PPARGC1A: variants seen among roughly 807,000 people sequenced by gnomAD.
The protein encoded by PPARGC1A is PPARG coactivator 1 alpha, also known as peroxisome proliferator-activated receptor gamma coactivator 1-alpha.
Under a neutral mutation model 88.7 loss-of-function variants are expected in PPARGC1A, and 25 were observed. That is an observed-to-expected ratio of 0.28 (90% CI 0.21 to 0.39). PPARGC1A has a LOEUF of 0.39. Among genes scored for constraint, PPARGC1A ranks in the 10% least tolerant of loss-of-function variants. The pLI, the probability that PPARGC1A is intolerant of heterozygous loss-of-function variation, is 1.00. For missense variants in PPARGC1A, 880 were observed against 968.7 expected, an observed-to-expected ratio of 0.91 and a Z score of 1.22; for synonymous variants, 363 against 355.6, an observed-to-expected ratio of 1.02 and a Z score of -0.24.
the PPARGC1A span, among the ~76,000 whole-genome samples, chr4:24,116,479 G>A: frequency 7.2e-5 from 11 of 152,282 alleles, no homozygotes. Flanking sequence ...ATTTCTAAAA[G>A]CAATAGTTGC....
At chr4:24,116,858 G>T in the PPARGC1A span, among the ~76,000 whole-genome samples, 1 of 152,064 alleles carries the variant, frequency 6.6e-6, no homozygotes, top group East Asian at 1.9e-4. Context: ...ATTGCTCGTC[G>T]TACATTAAAA....
chr4:24,407,988 G>C, the PPARGC1A span, among the ~76,000 whole-genome samples: 1 of 152,078 alleles, frequency 6.6e-6, no homozygotes, highest in South Asian at 2.1e-4. Context: ...TTCAACACTT[G>C]AATCTAAAAA....
chr4:23,922,976 C>T, the PPARGC1A span, among the ~76,000 whole-genome samples: 51 of 152,296 alleles, frequency 3.3e-4, 1 homozygote, highest in East Asian at 9.8e-3. Context: ...CTAACTATTG[C>T]ATTTTCTAGT....
At chr4:24,133,966 G>A in the PPARGC1A span, among the ~76,000 whole-genome samples, 1 of 152,156 alleles carries the variant, frequency 6.6e-6, no homozygotes, top group Non-Finnish European at 1.5e-5. Context: ...AGAAGTGGTT[G>A]AGGTTACACA....
the PPARGC1A span, among the ~76,000 whole-genome samples, chr4:23,986,530 T>C: frequency 6.6e-6 from 1 of 152,132 alleles, no homozygotes; most frequent in African/African-American, 2.4e-5. Context: ...GACTTTTTCC[T>C]GCAAGAGGTA....
rs1312484686 is a variant in PPARGC1A, at chr4:23,831,737, C to T, written c.249G>A (p.Glu83=). The T allele has an allele frequency of 1.2e-6, 2 of 1,612,284 alleles. No individual in the cohort carries two copies. ...PSNIFEKIDE[E]NEANLLAVLT... Reference sequence around the variant, plus strand: ...GGACTGCTAGCAAGTTTGCCTCATTCTCTTCATCTATCTTCTGCAGAAAGA... The same window carrying T: ...GGACTGCTAGCAAGTTTGCCTCATTTTCTTCATCTATCTTCTGCAGAAAGA... The change falls in exon 3 of 13, where the codon GAG becomes GAA. Residue 83 remains glutamate (E), a synonymous_variant. Coordinates refer to ENST00000264867, the MANE Select transcript of PPARGC1A (RefSeq NM_013261.5).
At chr4:24,254,632 A>G in the PPARGC1A span, among the ~76,000 whole-genome samples, 60,549 of 152,158 alleles carry the variant, frequency 0.4, 12,694 homozygotes, top group Non-Finnish European at 0.47. Flanking sequence ...TTTCAGAACC[A>G]CAACAGGAGC....
At chr4:24,008,498 A>G in the PPARGC1A span, among the ~76,000 whole-genome samples, 26,179 of 152,158 alleles carry the variant, frequency 0.17, 2,324 homozygotes, top group South Asian at 0.21. Context: ...TAAAAATGCT[A>G]TATGTTCTTA....
chr4:23,890,053 T>A, upstream of PPARGC1A: 1 of 1,570,408 alleles, frequency 6.4e-7, no homozygotes, highest in Admixed American at 1.8e-5. Context: ...TTACTGAGAG[T>A]GAACTGAAGG....
chr4:24,203,102 T>G, the PPARGC1A span, among the ~76,000 whole-genome samples: 1 of 152,190 alleles, frequency 6.6e-6, no homozygotes, highest in Non-Finnish European at 1.5e-5. Flanking sequence ...ATTATCAATT[T>G]AACAGGTCAC....
the PPARGC1A span, among the ~76,000 whole-genome samples, chr4:24,079,331 T>A: frequency 2.7e-3 from 412 of 152,114 alleles, 5 homozygotes; most frequent in East Asian, 0.051. Flanking sequence ...ATCAGTCATG[T>A]CCCCATTATT....
the PPARGC1A span, among the ~76,000 whole-genome samples, chr4:24,259,532 G>A: frequency 1.3e-5 from 2 of 152,108 alleles, no homozygotes; most frequent in Non-Finnish European, 2.9e-5. Context: ...ATATAATACA[G>A]CGATATCATA....
the PPARGC1A span, among the ~76,000 whole-genome samples, chr4:24,324,834 C>T: frequency 6.6e-6 from 1 of 152,112 alleles, no homozygotes; most frequent in East Asian, 1.9e-4. Flanking sequence ...AGTCCCAACC[C>T]CAAGCGTCGC....
At chr4:23,976,307 G>T in the PPARGC1A span, among the ~76,000 whole-genome samples, 1 of 152,188 alleles carries the variant, frequency 6.6e-6, no homozygotes, top group Non-Finnish European at 1.5e-5. Flanking sequence ...GAGGAGTAGA[G>T]CTGATCTCTG....
At chr4:24,264,038 A>C in the PPARGC1A span, among the ~76,000 whole-genome samples, 1 of 152,118 alleles carries the variant, frequency 6.6e-6, no homozygotes, top group Admixed American at 6.5e-5. Flanking sequence ...GGTGTGAACC[A>C]CCTTGCCCAG....
At chr4:24,209,174 G>A in the PPARGC1A span, among the ~76,000 whole-genome samples, 2 of 152,146 alleles carry the variant, frequency 1.3e-5, no homozygotes, top group African/African-American at 2.4e-5. Context: ...CTAGACCTCC[G>A]TTCTGGTTGG....
At chr4:24,003,308 C>T in the PPARGC1A span, among the ~76,000 whole-genome samples, 1 of 152,090 alleles carries the variant, frequency 6.6e-6, no homozygotes, top group African/African-American at 2.4e-5. Context: ...GGGAAAATAC[C>T]AAGGAAATCA....
intron 2 of PPARGC1A, chr4:23,866,353 T>C (rs1711990688): frequency 6.6e-6 from 1 of 152,204 alleles, no homozygotes; most frequent in African/African-American, 2.4e-5. Context: ...AATGGAGTAA[T>C]GTTTATTTCC....
the PPARGC1A span, among the ~76,000 whole-genome samples, chr4:24,266,333 G>A: frequency 6.6e-6 from 1 of 152,128 alleles, no homozygotes; most frequent in African/African-American, 2.4e-5. Flanking sequence ...GAGGAAAAAT[G>A]CAGCTGCTCT....
Sources: allele counts gnomAD v4.1 joint callset (sites outside exome capture counted in the v4.1 genomes callset), GRCh38; gene constraint gnomAD v4.1.1; transcripts MANE v1.5; gene names NCBI Gene and HGNC (gene_info 2026-07-23, HGNC 2026-07-21).